XXYLT1: variants seen among roughly 807,000 people sequenced by gnomAD.
XXYLT1 encodes xyloside xylosyltransferase 1.
A neutral mutation model predicts 28.9 loss-of-function variants in XXYLT1; 20 were observed. The ratio of observed to expected loss-of-function variants is 0.69; its 90% CI spans 0.49 to 1.00. XXYLT1 has a LOEUF of 1.00. Among genes scored for constraint, XXYLT1 ranks in the 50% least tolerant of loss-of-function variants. XXYLT1 has a pLI of 0.00. For missense variants in XXYLT1, 542 were observed against 560.1 expected (o/e 0.97, Z 0.33); for synonymous variants, 257 against 253.8 (o/e 1.01, Z -0.12).
intron 3 of XXYLT1, among the ~76,000 whole-genome samples, chr3:195,126,153 G>A (rs1212644815): frequency 2.0e-5 from 3 of 152,176 alleles, no homozygotes; most frequent in Admixed American, 2.0e-4. Flanking sequence ...TCTTTAGTGA[G>A]TTGAGTTCTA....
chr3:195,259,422 C>A (rs1725599102), intron 1 of XXYLT1, among the ~76,000 whole-genome samples: 1 of 152,354 alleles, frequency 6.6e-6, no homozygotes, highest in Admixed American at 6.5e-5. Flanking sequence ...ACAACCCACA[C>A]GACGGTGTGA....
chr3:195,112,519 C>CG (rs1437638104), intron 3 of XXYLT1, among the ~76,000 whole-genome samples: 1 of 95,494 alleles, frequency 1.0e-5, no homozygotes. Context: ...CACACCCACA[C>CG]ACACACACAG....
At chr3:195,070,322 C>T (rs953104667) in intron 3 of XXYLT1, among the ~76,000 whole-genome samples, 11 of 152,104 alleles carry the variant, frequency 7.2e-5, no homozygotes, top group Admixed American at 6.5e-4. Context: ...TCCTCTGCTA[C>T]GTCCTCACCA....
intron 3 of XXYLT1, among the ~76,000 whole-genome samples, chr3:195,090,007 G>A (rs1197062930): frequency 6.7e-6 from 1 of 148,994 alleles, no homozygotes; most frequent in Non-Finnish European, 1.5e-5. Flanking sequence ...CCCAATACAG[G>A]AGCACCAAGA....
At chr3:195,232,446 TG>T (rs893007718) in intron 1 of XXYLT1, among the ~76,000 whole-genome samples, 12 of 152,210 alleles carry the variant, frequency 7.9e-5, no homozygotes, top group African/African-American at 2.9e-4. Flanking sequence ...GGTTTGCTGT[TG>T]CTTTTCTAGT....
intron 2 of XXYLT1, among the ~76,000 whole-genome samples, chr3:195,198,396 C>T (rs1345666183): frequency 6.6e-6 from 1 of 152,162 alleles, no homozygotes. Context: ...GGCACTTCAT[C>T]CCGGAAGGCC....
intron 3 of XXYLT1, among the ~76,000 whole-genome samples, chr3:195,088,224 T>TG (rs1182657816): frequency 6.6e-6 from 1 of 151,534 alleles, no homozygotes; most frequent in Non-Finnish European, 1.5e-5. Flanking sequence ...GCTCCACCTC[T>TG]GGGGGCAGGG....
intron 1 of XXYLT1, among the ~76,000 whole-genome samples, chr3:195,250,216 A>G (rs1339820669): frequency 2.0e-5 from 3 of 152,112 alleles, no homozygotes; most frequent in African/African-American, 7.2e-5. Context: ...TCTTTCCTTC[A>G]GGTCTTCACT....
chr3:195,213,326 A>T (rs1723415591), intron 2 of XXYLT1, among the ~76,000 whole-genome samples: 1 of 147,096 alleles, frequency 6.8e-6, no homozygotes, highest in South Asian at 2.1e-4. Flanking sequence ...GCACAATGGC[A>T]CAATCTTGGC....
intron 3 of XXYLT1, among the ~76,000 whole-genome samples, chr3:195,121,257 C>T (rs988002771): frequency 1.3e-5 from 2 of 152,188 alleles, no homozygotes; most frequent in Non-Finnish European, 2.9e-5. Context: ...CCTACCGAGG[C>T]CTTCCAGGTA....
intron 1 of XXYLT1, among the ~76,000 whole-genome samples, chr3:195,249,477 A>C (rs1439638502): frequency 6.6e-6 from 1 of 152,210 alleles, no homozygotes; most frequent in Non-Finnish European, 1.5e-5. Flanking sequence ...TCACAAAGAA[A>C]GGAAACATGT....
chr3:195,231,377 T>C (rs1724292653), intron 1 of XXYLT1, among the ~76,000 whole-genome samples: 1 of 152,168 alleles, frequency 6.6e-6, no homozygotes, highest in South Asian at 2.1e-4. Flanking sequence ...ATAGGCTTTA[T>C]GTCGTTCTCT....
At chr3:195,101,125 C>T (rs768852795) in intron 3 of XXYLT1, among the ~76,000 whole-genome samples, 12 of 152,284 alleles carry the variant, frequency 7.9e-5, no homozygotes, top group Non-Finnish European at 1.8e-4. Flanking sequence ...CCTCCCAGCA[C>T]GTGACAGTGA....
intron 2 of XXYLT1, among the ~76,000 whole-genome samples, chr3:195,222,778 T>C (rs1448905778): frequency 6.6e-6 from 1 of 152,168 alleles, no homozygotes; most frequent in East Asian, 1.9e-4. Context: ...TAGCTTCATT[T>C]GTACAATTTC....
rs1341053434 is a variant in XXYLT1, at chr3:195,173,792, G to A, written c.653-17211C>T. 6.6e-6 allele frequency among the ~76,000 whole-genome samples: 1 copy of A among 152,198 alleles called. No homozygotes were observed. The highest frequency in any genetic ancestry group is 2.4e-5 in the African/African-American group (1 of 41,458). On this transcript the variant is annotated intron_variant, in intron 2 of 3. Coordinates refer to ENST00000310380, the MANE Select transcript of XXYLT1 (RefSeq NM_152531.5). The surrounding 1 kb of genome is among the most constrained non-coding windows in gnomAD (Gnocchi z 4.3). ...TCCCGCACCGGCTCGCTGTCCAGGA[G>A]AGCACCCAGCTCCCACCAGGGAGTC...
chr3:195,111,424 T>TG (rs1717707497), intron 3 of XXYLT1, among the ~76,000 whole-genome samples: 1 of 151,608 alleles, frequency 6.6e-6, no homozygotes, highest in Non-Finnish European at 1.5e-5. Context: ...AGAGGGGAGA[T>TG]GGGGAGAGAG....
Position 195,176,267 on chromosome 3 carries a change from G to C in XXYLT1, c.653-19686C>G, listed in dbSNP as rs1053610684. On this transcript the variant is annotated intron_variant, in intron 2 of 3. Coordinates refer to ENST00000310380, the MANE Select transcript of XXYLT1 (RefSeq NM_152531.5). The surrounding 1 kb of genome is among the most constrained non-coding windows in gnomAD (Gnocchi z 4.9). Reference sequence around the variant, plus strand: ...AGACAGGGTTTCACCATGTTGCCCAGGCTGTAATTTTAACAACATGACCAC... The same window carrying C: ...AGACAGGGTTTCACCATGTTGCCCACGCTGTAATTTTAACAACATGACCAC... Among the ~76,000 whole-genome samples, 7 of 152,138 alleles carry C rather than the reference G, an allele frequency of 4.6e-5. No homozygotes were observed. The highest frequency in any genetic ancestry group is 7.2e-5 in the African/African-American group (3 of 41,412).
chr3:195,109,120 C>T (rs550485614), intron 3 of XXYLT1, among the ~76,000 whole-genome samples: 17 of 152,288 alleles, frequency 1.1e-4, no homozygotes, highest in African/African-American at 4.1e-4. Flanking sequence ...CCCACTACCC[C>T]CAAAATTCAT....
intron 3 of XXYLT1, among the ~76,000 whole-genome samples, chr3:195,144,183 C>G (rs574564264): frequency 1.7e-3 from 259 of 149,958 alleles, no homozygotes; most frequent in African/African-American, 6.1e-3. Flanking sequence ...CATGAGCCAC[C>G]GTGCCTGGCC....
Sources: gnomAD v4.1 joint callset for allele counts (sites outside exome capture counted in the v4.1 genomes callset) on GRCh38, gnomAD v4.1.1 for gene constraint, Gnocchi (gnomAD v3.1) non-coding constraint, MANE v1.5 for transcripts, NCBI Gene and HGNC (gene_info 2026-07-23, HGNC 2026-07-21) for gene names.